The following CCDC191 variants were observed in gnomAD, a reference collection of about 807,000 sequenced individuals.
The protein encoded by CCDC191 is coiled-coil domain-containing protein 191.
CCDC191 carries 99 observed loss-of-function variants against 114.0 expected under a neutral mutation model. That is an observed-to-expected ratio of 0.87 (90% CI 0.74 to 1.03). The LOEUF (loss-of-function observed/expected upper bound fraction) is 1.03. CCDC191 is among the 50% of genes least tolerant of loss of function. CCDC191 has a pLI of 0.00. For synonymous variants in CCDC191, 351 were observed against 376.0 expected (o/e 0.93, Z 0.77); for missense variants, 973 against 1,087.0 (o/e 0.90, Z 1.47).
chr3:113,972,443 G>A (rs1472738811), intron 16 of CCDC191, among the ~76,000 whole-genome samples: 1 of 152,082 alleles, frequency 6.6e-6, no homozygotes, highest in East Asian at 1.9e-4. Flanking sequence ...ATAGATACTT[G>A]ATACAATTTC....
In CCDC191 at chr3:113,972,063, T is replaced by C. The variant is rs1474206661; in HGVS notation, c.2606+6123A>G. 2.0e-5 allele frequency among the ~76,000 whole-genome samples: 3 copies of C among 152,210 alleles called. No homozygotes were observed. In the East Asian group the frequency reaches 5.8e-4, roughly 29 times the overall value. On this transcript the variant is annotated intron_variant, in intron 16 of 16. Transcript: ENST00000295878. The stretch of plus-strand genomic sequence containing the variant: ...TTCTGATTTTGAGTCAGAAAAAGTC[T>C]CAATTCATTTATTTCTGCTTAGATT...
intron 7 of CCDC191, among the ~76,000 whole-genome samples, chr3:114,030,802 C>T (rs1315060500): frequency 2.6e-5 from 4 of 152,138 alleles, no homozygotes; most frequent in Admixed American, 2.0e-4. Flanking sequence ...CAGTATCTTC[C>T]TAACATTCTC....
At chr3:113,996,508 G>C (rs1010527701) in intron 13 of CCDC191, among the ~76,000 whole-genome samples, 1 of 152,190 alleles carries the variant, frequency 6.6e-6, no homozygotes, top group African/African-American at 2.4e-5. Context: ...TTTGGTTACT[G>C]TAGCCTTGTA....
chr3:113,995,499 C>CT (rs376154541), intron 13 of CCDC191, among the ~76,000 whole-genome samples: 1 of 152,238 alleles, frequency 6.6e-6, no homozygotes, highest in East Asian at 1.9e-4. Flanking sequence ...ACAAATGAAT[C>CT]TGATTGTATT....
At chr3:113,981,735 G>C (rs1282337229) in intron 13 of CCDC191, among the ~76,000 whole-genome samples, 1 of 152,154 alleles carries the variant, frequency 6.6e-6, no homozygotes, top group Non-Finnish European at 1.5e-5. Context: ...ACATTACAGA[G>C]AGAGCAATGG....
chr3:114,031,821 A>T (rs1417137905), intron 6 of CCDC191, 42 bp from the exon 7 acceptor site: 3 of 908,480 alleles, frequency 3.3e-6, no homozygotes, highest in Non-Finnish European at 5.1e-6. Context: ...TTTACAATAG[A>T]TTTAAAAATG....
intron 8 of CCDC191, among the ~76,000 whole-genome samples, chr3:114,018,398 C>T (rs546631731): frequency 6.6e-6 from 1 of 152,034 alleles, no homozygotes; most frequent in African/African-American, 2.4e-5. Context: ...TGGTCTTGAA[C>T]TCCTAGGCTC....
Position 113,978,863 on chromosome 3 carries a change from G to A in CCDC191, c.2455C>T (p.Leu819=). The A allele has an allele frequency of 6.2e-7, 1 of 1,613,830 alleles. No homozygotes were observed. The highest frequency in any genetic ancestry group is 8.5e-7 in the Non-Finnish European group (1 of 1,179,848). Residue 819 remains leucine, a synonymous_variant, in exon 15 of 17, where the codon CTA becomes TTA. Transcript: ENST00000295878. ...ACCCTTCCCTATGTCCTTACCTGTA[G>A]CCAGCTCTGGATGACTCTCTTAAGC... ...ILLKRVIQSW[L]QYVIDLQEEV...
Position 114,010,943 on chromosome 3 carries a change from G to A in CCDC191, c.1242C>T (p.Gly414=), listed in dbSNP as rs752266963. The A allele has an allele frequency of 1.8e-5, 29 of 1,613,874 alleles. No homozygotes were observed. The highest frequency in any genetic ancestry group is 5.5e-5 in the South Asian group (5 of 91,086). ...HCFTEWQHWH[G]AELLKRELAL... is the part of the protein sequence containing the mutation. ...CCAGCTCTCTCTTCAGGAGCTCGGCGCCATGCCAATGCTGCCATTCTGTAA... is the reference window on the plus strand; with the variant it reads ...CCAGCTCTCTCTTCAGGAGCTCGGCACCATGCCAATGCTGCCATTCTGTAA... Residue 414 remains glycine (G), a synonymous_variant, in exon 9 of 17, where the codon GGC becomes GGT. Coordinates refer to ENST00000295878, the MANE Select transcript of CCDC191 (RefSeq NM_020817.2).
At chr3:113,977,061 A>G (rs1941416141) in intron 16 of CCDC191, among the ~76,000 whole-genome samples, 3 of 152,188 alleles carry the variant, frequency 2.0e-5, no homozygotes, top group Admixed American at 2.0e-4. Flanking sequence ...AGGAACAGAA[A>G]TAAACACCCA....
chr3:113,978,319 GATCA>G lies in CCDC191; in HGVS notation c.2469_2472del (p.Asp824CysfsTer5). The G allele has an allele frequency of 6.2e-7, 1 of 1,613,794 alleles. No individual in the cohort carries two copies. Among genetic ancestry groups the G allele is most frequent in the Non-Finnish European group, 8.5e-7 (1 of 1,179,906 alleles). ...CAAAATTTTCTTACTTCTTCCTGCA[GATCA>G]ATCACGTACTGGGGATGAAGACAGA... On this transcript the variant is annotated frameshift_variant, in exon 16 of 17. Transcript: ENST00000295878. LOFTEE classifies it high-confidence loss of function.
intron 10 of CCDC191, 107 bp downstream of exon 10, chr3:114,005,401 G>C (rs1368660742): frequency 7.9e-6 from 9 of 1,140,626 alleles, no homozygotes; most frequent in Non-Finnish European, 1.1e-5. Flanking sequence ...GCAAAATCAA[G>C]GAAAAGGAAC....
Position 114,034,787 on chromosome 3 carries a change from T to C in CCDC191, c.818+138A>G, listed in dbSNP as rs548965398. 9.6e-5 allele frequency: 70 copies of C among 728,824 alleles called. No homozygotes were observed. The Admixed American group carries it at 1.7e-3, about 18-fold the overall frequency. 45.1% of individuals were successfully genotyped at this position (728,824 alleles called of 1,614,324 possible). A position where few individuals can be genotyped will look rare whatever the true frequency, so the allele number is the denominator to read the frequency against. Reference sequence around the variant, plus strand: ...CATGGAAATATGAAATTAGTTAATTTGTTAAGATGGTGGAATAGTGAGTGA... The same window carrying C: ...CATGGAAATATGAAATTAGTTAATTCGTTAAGATGGTGGAATAGTGAGTGA... On this transcript the variant is annotated intron_variant, in intron 6 of 16. Transcript: ENST00000295878.
intron 13 of CCDC191, among the ~76,000 whole-genome samples, chr3:113,991,010 G>A (rs926957324): frequency 6.6e-6 from 1 of 151,012 alleles, no homozygotes; most frequent in Non-Finnish European, 1.5e-5. Flanking sequence ...GACTGAAGTG[G>A]GCGGATCACA....
rs191371177 is a variant in CCDC191, at chr3:114,007,653, A to T, written c.1414-1691T>A. Among the ~76,000 whole-genome samples the T allele has an allele frequency of 1.8e-3, 272 of 152,300 alleles. 1 individual carries two copies. The highest frequency in any genetic ancestry group is 6.4e-3 in the African/African-American group (268 of 41,580). ...GTAACTTTTTAACATGAAAATAAAGAACATGAAGGAAAAGCTTAGTGGTAC... is the reference window on the plus strand; with the variant it reads ...GTAACTTTTTAACATGAAAATAAAGTACATGAAGGAAAAGCTTAGTGGTAC... On this transcript the variant is annotated intron_variant, in intron 9 of 16. Transcript: ENST00000295878.
chr3:114,001,503 A>G (rs897202809), intron 13 of CCDC191, 92 bp downstream of exon 13: 5 of 1,501,266 alleles, frequency 3.3e-6, no homozygotes, highest in Non-Finnish European at 4.5e-6. Context: ...TATTCCAGAT[A>G]GAAGTTCTGG....
rs746436892 is a variant in CCDC191, at chr3:114,004,735, G to GC, written c.1879dup (p.Ala627GlyfsTer6). ...ACTTCTGCCTTCAGTCCCAGGGGAA[G>GC]CAACAGGTGAACTAGGGAAAAAATA... On this transcript the variant is annotated frameshift_variant, in exon 11 of 17. Coordinates refer to ENST00000295878, the MANE Select transcript of CCDC191 (RefSeq NM_020817.2). LOFTEE classifies it high-confidence loss of function. 69 of 1,609,630 alleles carry GC rather than the reference G, an allele frequency of 4.3e-5. No individual in the cohort carries two copies. The African/African-American group carries it at 7.4e-4, about 17-fold the overall frequency.
At chr3:114,001,818 A>AT in intron 12 of CCDC191, 122 bp from the exon 13 acceptor site, 1 of 1,218,358 alleles carries the variant, frequency 8.2e-7, no homozygotes, top group Non-Finnish European at 1.1e-6. Context: ...AGAAGTCTGC[A>AT]TTTTGTGATA....
At chr3:114,004,329 T>G in intron 11 of CCDC191, 1 of 1,009,378 alleles carries the variant, frequency 9.9e-7, no homozygotes, top group Non-Finnish European at 1.2e-6. Context: ...TTCTCATTTG[T>G]GTAATTATTC....
Sources: gnomAD v4.1 joint callset for allele counts (sites outside exome capture counted in the v4.1 genomes callset) on GRCh38, gnomAD v4.1.1 for gene constraint, MANE v1.5 for transcripts, NCBI Gene and HGNC (gene_info 2026-07-23, HGNC 2026-07-21) for gene names.